Variants in AHI1 observed in about 807,000 individuals in gnomAD.
AHI1 encodes Abelson helper integration site 1.
In AHI1, 123 loss-of-function variants were observed where a neutral mutation model predicts 149.3. That is an observed-to-expected ratio of 0.82 (90% CI 0.71 to 0.96). The LOEUF (loss-of-function observed/expected upper bound fraction) is 0.96. Ranked by LOEUF, AHI1 falls within the 40% of genes least tolerant of loss-of-function variation. The pLI is 0.00. For synonymous variants in AHI1, 475 were observed against 459.8 expected, an observed-to-expected ratio of 1.03 and a Z score of -0.42; for missense variants, 1,439 against 1,422.7, an observed-to-expected ratio of 1.01 and a Z score of -0.18.
chr6:135,320,466 T>A (rs1030941003), intron 25 of AHI1, among the ~76,000 whole-genome samples: 4 of 152,216 alleles, frequency 2.6e-5, no homozygotes, highest in African/African-American at 7.2e-5. Flanking sequence ...AAAAAATTTA[T>A]CTTTTGTGGA....
At chr6:135,489,052 A>C (rs1794882204) in intron 5 of AHI1, among the ~76,000 whole-genome samples, 1 of 152,214 alleles carries the variant, frequency 6.6e-6, no homozygotes, top group East Asian at 1.9e-4. Context: ...GAAAGCATTA[A>C]GGCATCTAGC....
chr6:135,369,691 T>G (rs1774743802), intron 23 of AHI1, among the ~76,000 whole-genome samples: 1 of 152,230 alleles, frequency 6.6e-6, no homozygotes, highest in Non-Finnish European at 1.5e-5. Context: ...TGTTTCAATT[T>G]GAATAATCTG....
chr6:135,486,885 A>G (rs559607938), intron 5 of AHI1, among the ~76,000 whole-genome samples: 1 of 152,162 alleles, frequency 6.6e-6, no homozygotes, highest in East Asian at 1.9e-4. Flanking sequence ...CTCCCACCTC[A>G]GCCTCCCAAG....
chr6:135,353,698 TA>T (rs2128428850), intron 24 of AHI1, among the ~76,000 whole-genome samples: 1 of 152,222 alleles, frequency 6.6e-6, no homozygotes, highest in East Asian at 1.9e-4. Flanking sequence ...AGATTCAGGA[TA>T]AAATTTAATT....
intron 20 of AHI1, among the ~76,000 whole-genome samples, chr6:135,423,548 G>T (rs1364821519): frequency 6.6e-6 from 1 of 152,078 alleles, no homozygotes; most frequent in East Asian, 1.9e-4. Context: ...TATGAATTGT[G>T]TTAATAAAAT....
At chr6:135,446,580 G>A (rs973825339) in intron 13 of AHI1, among the ~76,000 whole-genome samples, 14 of 152,152 alleles carry the variant, frequency 9.2e-5, no homozygotes, top group South Asian at 4.1e-4. Context: ...AAGAAAAGAC[G>A]CGAGAAAGGT....
chr6:135,486,123 TTA>T (rs1794434856), intron 5 of AHI1, among the ~76,000 whole-genome samples: 2 of 152,232 alleles, frequency 1.3e-5, no homozygotes, highest in Non-Finnish European at 2.9e-5. Flanking sequence ...TATCATATCT[TTA>T]TGTTTCATGC....
chr6:135,405,756 A>T (rs552130107), intron 21 of AHI1, among the ~76,000 whole-genome samples: 1 of 150,480 alleles, frequency 6.6e-6, no homozygotes, highest in South Asian at 2.1e-4. Context: ...GCTACTCGGG[A>T]GGCTGAGGCA....
intron 5 of AHI1, among the ~76,000 whole-genome samples, chr6:135,482,894 C>CTTGTTTTTGTTTTTTTTTTTTTTT (rs1793900577): frequency 1.8e-5 from 1 of 55,734 alleles, no homozygotes. Context: ...CCATTTAAGG[C>CTTGTTTTTGTTTTTTTTTTTTTTT]TTTTTTTTTT....
At chr6:135,291,927 A>T (rs974974094) in intron 27 of AHI1, among the ~76,000 whole-genome samples, 83 of 152,308 alleles carry the variant, frequency 5.4e-4, no homozygotes, top group African/African-American at 2.0e-3. Flanking sequence ...AGAGACAACG[A>T]TACAATGGAC....
At chr6:135,380,903 T>C (rs1411018273) in intron 23 of AHI1, among the ~76,000 whole-genome samples, 2 of 152,242 alleles carry the variant, frequency 1.3e-5, no homozygotes, top group Admixed American at 1.3e-4. Flanking sequence ...GGAAAACTTT[T>C]AAATTTAAAC....
chr6:135,360,724 A>G (rs1200471696), intron 23 of AHI1, among the ~76,000 whole-genome samples: 1 of 152,254 alleles, frequency 6.6e-6, no homozygotes, highest in Non-Finnish European at 1.5e-5. Context: ...GTGTAGGAAT[A>G]TAGTTAAAAT....
intron 15 of AHI1, among the ~76,000 whole-genome samples, chr6:135,437,937 A>G (rs1412739328): frequency 6.6e-6 from 1 of 152,216 alleles, no homozygotes; most frequent in African/African-American, 2.4e-5. Flanking sequence ...ACCAATCTAT[A>G]AAACTGTTAA....
intron 5 of AHI1, chr6:135,474,407 A>T (rs966624847): frequency 2.0e-5 from 3 of 152,218 alleles, no homozygotes; most frequent in Admixed American, 6.5e-5. Flanking sequence ...TTAGAGCAAA[A>T]GCATTCAGTT....
chr6:135,453,499 T>C lies in AHI1; in HGVS notation c.1345-63A>G, dbSNP rs757192250. 100 of 1,160,552 alleles carry C rather than the reference T, an allele frequency of 8.6e-5. 1 individual carries two copies. The highest frequency in any genetic ancestry group is 1.1e-4 in the Non-Finnish European group (93 of 811,138). The allele number at this position is 1,160,552 out of a possible 1,614,324, so 71.9% of individuals were successfully genotyped here. A position where few individuals can be genotyped will look rare whatever the true frequency, so the allele number is the denominator to read the frequency against. On this transcript the variant is annotated intron_variant, in intron 10 of 28. Transcript: ENST00000265602. Reference sequence around the variant, plus strand: ...TTTAATATTTTCTAATGGTACATTATTAAAACTTTAAAAAATCATTTGTAT... The same window carrying C: ...TTTAATATTTTCTAATGGTACATTACTAAAACTTTAAAAAATCATTTGTAT...
intron 24 of AHI1, among the ~76,000 whole-genome samples, chr6:135,357,780 T>C (rs1793227262): frequency 1.3e-5 from 2 of 152,174 alleles, no homozygotes; most frequent in Admixed American, 6.5e-5. Flanking sequence ...AGAAGAAGGA[T>C]AAAAGATAAG....
chr6:135,354,624 T>G (rs1792676342), intron 24 of AHI1, among the ~76,000 whole-genome samples: 1 of 152,158 alleles, frequency 6.6e-6, no homozygotes, highest in African/African-American at 2.4e-5. Flanking sequence ...ACCTGCCTTT[T>G]AGGGTTCAGA....
intron 22 of AHI1, among the ~76,000 whole-genome samples, chr6:135,397,680 C>T (rs891215687): frequency 6.6e-6 from 1 of 151,948 alleles, no homozygotes; most frequent in Non-Finnish European, 1.5e-5. Context: ...AAATTGAATG[C>T]ACAATATTAA....
intron 5 of AHI1, among the ~76,000 whole-genome samples, chr6:135,471,797 G>C (rs549913532): frequency 6.6e-6 from 1 of 151,672 alleles, no homozygotes; most frequent in South Asian, 2.1e-4. Flanking sequence ...TGGATCATGA[G>C]GTCAGGAGAT....
Sources: allele counts gnomAD v4.1 joint callset (sites outside exome capture counted in the v4.1 genomes callset), GRCh38; gene constraint gnomAD v4.1.1; transcripts MANE v1.5; gene names NCBI Gene and HGNC (gene_info 2026-07-23, HGNC 2026-07-21).